The following CHID1 variants were observed in gnomAD, a reference collection of about 807,000 sequenced individuals.
CHID1 encodes chitinase domain-containing protein 1.
In CHID1, 44 loss-of-function variants were observed where a neutral mutation model predicts 55.4. The observed-to-expected ratio is 0.79, with a 90% confidence interval of 0.62 to 1.02. CHID1 has a LOEUF of 1.02. CHID1 is among the 50% of genes least tolerant of loss of function. CHID1 has a pLI of 0.00. For missense variants in CHID1, 491 were observed against 515.3 expected, an observed-to-expected ratio of 0.95 and a Z score of 0.46; for synonymous variants, 216 against 212.9, an observed-to-expected ratio of 1.01 and a Z score of -0.13.
In CHID1 at chr11:875,164, G is replaced by A. The variant is rs1221631670; in HGVS notation, c.960-4665C>T. ...TGAAGGGAGGACATAGCTGATGGCTGGCCCTCCCCAAGCCCACCCTGCAGA... is the reference window on the plus strand; with the variant it reads ...TGAAGGGAGGACATAGCTGATGGCTAGCCCTCCCCAAGCCCACCCTGCAGA... On this transcript the variant is annotated intron_variant, in intron 10 of 12. Coordinates refer to ENST00000323578, the MANE Select transcript of CHID1 (RefSeq NM_023947.4). This position sits in a 1 kb window ranked among gnomAD's most constrained non-coding sequence, Gnocchi z 4.7. 6.6e-6 allele frequency among the ~76,000 whole-genome samples: 1 copy of A among 152,268 alleles called. No individual in the cohort carries two copies. Among genetic ancestry groups the A allele is most frequent in the Non-Finnish European group, 1.5e-5 (1 of 68,036 alleles).
intron 8 of CHID1, among the ~76,000 whole-genome samples, chr11:893,152 G>A (rs7942362): frequency 0.17 from 25,985 of 152,128 alleles, 2,547 homozygotes; most frequent in East Asian, 0.27. Context: ...CCCCAGCCAA[G>A]CCAGCCCTGC....
intron 10 of CHID1, among the ~76,000 whole-genome samples, chr11:882,674 C>T (rs1457675854): frequency 6.6e-6 from 1 of 152,104 alleles, no homozygotes; most frequent in Non-Finnish European, 1.5e-5. Context: ...GCTTAAGGTG[C>T]CAGTGAAAAA....
rs115667574 is a variant in CHID1 at position 886,313 on chromosome 11, G to T, written c.702-2144C>A. ...TGTCTCCACATTAATTAAAAAATTAGCCGGGTGTGGTGGTATGTGCCTGTA... is the reference window on the plus strand; with the variant it reads ...TGTCTCCACATTAATTAAAAAATTATCCGGGTGTGGTGGTATGTGCCTGTA... On this transcript the variant is annotated intron_variant, in intron 8 of 12. Transcript: ENST00000323578. Among the ~76,000 whole-genome samples the T allele has an allele frequency of 9.5e-3, 1,442 of 152,044 alleles. 24 individuals are homozygous for T. The highest frequency in any genetic ancestry group is 0.033 in the African/African-American group (1,368 of 41,444).
At chr11:888,207 A>G (rs1452450820) in intron 8 of CHID1, among the ~76,000 whole-genome samples, 1 of 152,240 alleles carries the variant, frequency 6.6e-6, no homozygotes, top group East Asian at 1.9e-4. Context: ...CACGCTTTCA[A>G]GGGTGGTAAC....
rs371025126 is a variant in CHID1, at chr11:884,279, G to A, written c.702-110C>T. 97 of 738,494 alleles carry A rather than the reference G, an allele frequency of 1.3e-4. 1 individual carries two copies. Among genetic ancestry groups the A allele is most frequent in the East Asian group, 6.2e-4 (23 of 37,032 alleles). 45.7% of individuals were successfully genotyped at this position (738,494 alleles called of 1,614,324 possible). A position where few individuals can be genotyped will look rare whatever the true frequency, so the allele number is the denominator to read the frequency against. On this transcript the variant is annotated intron_variant, in intron 8 of 12. Transcript: ENST00000323578. Reference sequence around the variant, plus strand: ...AGGGGACTTGGGTCACTTTTCCCAAGGGGAAAAGTGTTCTTCTGGGGTGGG... The same window carrying A: ...AGGGGACTTGGGTCACTTTTCCCAAAGGGAAAAGTGTTCTTCTGGGGTGGG...
chr11:902,103 G>T, intron 4 of CHID1, 95 bp downstream of exon 4: 1 of 1,460,862 alleles, frequency 6.8e-7, no homozygotes, highest in Non-Finnish European at 9.5e-7. Context: ...GACACCCACA[G>T]AGACATACCT....
intron 7 of CHID1, among the ~76,000 whole-genome samples, chr11:895,490 C>A (rs117865496): frequency 3.9e-5 from 6 of 152,128 alleles, no homozygotes; most frequent in Admixed American, 1.3e-4. Flanking sequence ...TTGCCCGGAG[C>A]GCTCCTCACG....
intron 10 of CHID1, chr11:882,210 AG>A (rs1850012786): frequency 1.3e-5 from 2 of 152,222 alleles, no homozygotes; most frequent in African/African-American, 2.4e-5. Context: ...CTGTAGTCCC[AG>A]CTACTTGGGA....
rs1360004468 is a variant in CHID1, at chr11:883,636, G to A, written c.804-333C>T. ...CACCCAGGGCCAGGCACTCATGTGC[G>A]GCCCCCACCCCACAGCCACAGGCAG... is the stretch of plus-strand genomic sequence containing the variant. On this transcript the variant is annotated intron_variant, in intron 9 of 12. Transcript: ENST00000323578. Among the ~76,000 whole-genome samples the A allele has an allele frequency of 4.6e-5, 7 of 152,212 alleles. No individual in the cohort carries two copies. The South Asian group carries it at 6.2e-4, about 14-fold the overall frequency.
intron 7 of CHID1, 84 bp downstream of exon 7, chr11:899,256 C>G: frequency 7.2e-7 from 1 of 1,397,254 alleles, no homozygotes; most frequent in Non-Finnish European, 9.9e-7. Flanking sequence ...GAAGGCCCTC[C>G]CCAAACCCCT....
At chr11:887,061 T>G (rs556619490) in intron 8 of CHID1, among the ~76,000 whole-genome samples, 1 of 152,276 alleles carries the variant, frequency 6.6e-6, no homozygotes, top group African/African-American at 2.4e-5. Context: ...TGAGACAGGG[T>G]CTTGCTCTGT....
In CHID1 at chr11:875,314, T is replaced by C. The variant is rs973744471; in HGVS notation, c.960-4815A>G. On this transcript the variant is annotated intron_variant, in intron 10 of 12. Transcript: ENST00000323578. This position sits in a 1 kb window ranked among gnomAD's most constrained non-coding sequence, Gnocchi z 4.7. ...TTCTTCGGGGCTGTCCTGTCTGAAA[T>C]GTGGGATCCAGCCATGTCCTGACCG... Among the ~76,000 whole-genome samples the C allele has an allele frequency of 1.3e-5, 2 of 152,182 alleles. No individual in the cohort carries two copies. The highest frequency in any genetic ancestry group is 4.8e-5 in the African/African-American group (2 of 41,444).
rs1386007582 is a variant in CHID1 at position 875,368 on chromosome 11, CG to C, written c.960-4870del. Among the ~76,000 whole-genome samples the C allele has an allele frequency of 1.3e-5, 2 of 152,218 alleles. No homozygotes were observed. Among genetic ancestry groups the C allele is most frequent in the East Asian group, 3.9e-4 (2 of 5,192 alleles). ...GCCCTGAGGTTCACCGTCTCCCGCT[CG>C]GGGAGGCGGGCGTGGCTGGGCCCGC... On this transcript the variant is annotated intron_variant, in intron 10 of 12. Transcript: ENST00000323578. The surrounding 1 kb of genome is among the most constrained non-coding windows in gnomAD (Gnocchi z 4.7).
chr11:903,331 G>A (rs527838518), intron 2 of CHID1, among the ~76,000 whole-genome samples: 8 of 152,284 alleles, frequency 5.3e-5, no homozygotes, highest in Middle Eastern at 6.8e-3. Context: ...GACGGTACAG[G>A]GCCTTTCCCA....
chr11:882,757 C>T (rs1180987597), intron 10 of CHID1, among the ~76,000 whole-genome samples: 2 of 152,190 alleles, frequency 1.3e-5, no homozygotes, highest in Non-Finnish European at 2.9e-5. Context: ...AACAAGAAAC[C>T]ACACTCGCAG....
intron 8 of CHID1, among the ~76,000 whole-genome samples, chr11:886,973 G>T (rs1430807367): frequency 3.3e-5 from 5 of 152,188 alleles, no homozygotes; most frequent in African/African-American, 1.2e-4. Context: ...GTGGCCTCTC[G>T]TGGTTCAGAG....
chr11:895,965 A>G (rs1055582495), intron 7 of CHID1, among the ~76,000 whole-genome samples: 1 of 151,796 alleles, frequency 6.6e-6, no homozygotes, highest in South Asian at 2.1e-4. Flanking sequence ...GCTGCTCCCA[A>G]CCGTCCTCCC....
intron 1 of CHID1, chr11:908,604 T>C: frequency 3.0e-6 from 3 of 985,428 alleles, no homozygotes; most frequent in Non-Finnish European, 3.6e-6. Context: ...CCCCAGCCCA[T>C]TCCATGACCA....
At chr11:873,802 G>A (rs988087889) in intron 10 of CHID1, among the ~76,000 whole-genome samples, 3 of 152,084 alleles carry the variant, frequency 2.0e-5, no homozygotes, top group Admixed American at 6.5e-5. Flanking sequence ...CGTGTTAAAC[G>A]CCACTTTGAA....
Sources: allele counts gnomAD v4.1 joint callset (sites outside exome capture counted in the v4.1 genomes callset), GRCh38; gene constraint gnomAD v4.1.1; non-coding constraint Gnocchi (gnomAD v3.1); transcripts MANE v1.5; gene names NCBI Gene and HGNC (gene_info 2026-07-23, HGNC 2026-07-21).